The following EYA4 variants were observed in gnomAD, a reference collection of about 807,000 sequenced individuals.
EYA4 encodes EYA transcriptional coactivator and phosphatase 4, also known as protein phosphatase EYA4.
Under a neutral mutation model 87.9 loss-of-function variants are expected in EYA4, and 31 were observed. That is an observed-to-expected ratio of 0.35 (90% CI 0.27 to 0.48). EYA4 has a LOEUF of 0.48. Among genes scored for constraint, EYA4 ranks in the 20% least tolerant of loss-of-function variants. EYA4 has a pLI of 0.99. For synonymous variants in EYA4, 263 were observed against 270.6 expected (o/e 0.97, Z 0.28); for missense variants, 678 against 761.4 (o/e 0.89, Z 1.29).
At chr6:133,397,931 CAT>C (rs1440349514) in intron 3 of EYA4, among the ~76,000 whole-genome samples, 2 of 152,154 alleles carry the variant, frequency 1.3e-5, no homozygotes, top group African/African-American at 4.8e-5. Flanking sequence ...TTTCCCACAA[CAT>C]GTGGGAATTC....
chr6:133,253,266 T>C (rs991255874), intron 1 of EYA4, among the ~76,000 whole-genome samples: 1 of 152,094 alleles, frequency 6.6e-6, no homozygotes, highest in Non-Finnish European at 1.5e-5. Flanking sequence ...GCTTCATTCA[T>C]GGACAGGAAG....
chr6:133,488,428 C>T (rs939445155), intron 13 of EYA4, among the ~76,000 whole-genome samples: 3 of 152,104 alleles, frequency 2.0e-5, no homozygotes, highest in African/African-American at 7.2e-5. Context: ...GCAGTGGTTA[C>T]CACAGGCTTT....
chr6:133,401,451 C>T (rs1583180914), intron 3 of EYA4, among the ~76,000 whole-genome samples: 1 of 151,998 alleles, frequency 6.6e-6, no homozygotes, highest in Non-Finnish European at 1.5e-5. Context: ...GATGGATATC[C>T]CAAATACCCT....
At position 133,531,052 on chromosome 6, in the gene EYA4, T is replaced by A; in HGVS notation, c.*2247T>A. On this transcript the variant is annotated 3_prime_UTR_variant, in exon 20 of 20. Coordinates refer to ENST00000355286, the MANE Select transcript of EYA4 (RefSeq NM_004100.5). ...TAGAATTGTGGCATTACATCTAAATTTGTAAGTCTTTTCATATCAAACAAG... is the reference window on the plus strand; with the variant it reads ...TAGAATTGTGGCATTACATCTAAATATGTAAGTCTTTTCATATCAAACAAG... 7.2e-7 allele frequency: 1 copy of A among 1,395,940 alleles called. No homozygotes were observed. 86.5% of individuals were successfully genotyped at this position (1,395,940 alleles called of 1,614,324 possible).
At chr6:133,327,798 C>T (rs901362699) in intron 2 of EYA4, among the ~76,000 whole-genome samples, 2 of 152,088 alleles carry the variant, frequency 1.3e-5, no homozygotes, top group Non-Finnish European at 2.9e-5. Context: ...AGACTCCTTC[C>T]TATGTTTACG....
chr6:133,489,870 A>G (rs1019682137), intron 13 of EYA4, among the ~76,000 whole-genome samples: 25 of 152,234 alleles, frequency 1.6e-4, no homozygotes, highest in African/African-American at 5.3e-4. Context: ...AGAATAGTGT[A>G]ACACTGTAAT....
Position 133,531,170 on chromosome 6 carries a change from G to T in EYA4, c.*2365G>T, listed in dbSNP as rs1800988337. 1 of 1,534,610 alleles carries T rather than the reference G, an allele frequency of 6.5e-7. No individual in the cohort carries two copies. Among genetic ancestry groups the T allele is most frequent in the African/African-American group, 1.4e-5 (1 of 72,988 alleles). On this transcript the variant is annotated 3_prime_UTR_variant, in exon 20 of 20. Transcript: ENST00000355286. Reference sequence around the variant, plus strand: ...CCGGCTGGTTGCATCACCCCGTGCAGTTTCTCACACACATCTCTTTTTCTG... The same window carrying T: ...CCGGCTGGTTGCATCACCCCGTGCATTTTCTCACACACATCTCTTTTTCTG...
chr6:133,415,750 T>A (rs1789658435), intron 3 of EYA4, among the ~76,000 whole-genome samples: 1 of 152,138 alleles, frequency 6.6e-6, no homozygotes, highest in Non-Finnish European at 1.5e-5. Flanking sequence ...CCTAGTACAT[T>A]GTAGGTGCTC....
intron 1 of EYA4, among the ~76,000 whole-genome samples, chr6:133,272,168 G>T (rs1025527477): frequency 6.6e-6 from 1 of 152,216 alleles, no homozygotes; most frequent in South Asian, 2.1e-4. Flanking sequence ...CCAGAAAGGG[G>T]CTGTAGTGCT....
chr6:133,391,219 T>TG (rs1181832746), intron 3 of EYA4, among the ~76,000 whole-genome samples: 2 of 59,836 alleles, frequency 3.3e-5, no homozygotes, highest in Non-Finnish European at 9.6e-5. Context: ...GGGTTTTGTT[T>TG]TTGTTTTTTT....
Position 133,354,179 on chromosome 6 carries a change from A to G in EYA4, c.34-28213A>G, listed in dbSNP as rs143615515. On this transcript the variant is annotated intron_variant, in intron 2 of 19. Transcript: ENST00000355286. ...TGTTTGTGGTATTAAGAACAAGGTT[A>G]TATATGCTCTAGAAATCCTTATTTA... Among the ~76,000 whole-genome samples, 1,286 of 152,316 alleles carry G rather than the reference A, an allele frequency of 8.4e-3. 11 individuals are homozygous for G. The highest frequency in any genetic ancestry group is 0.014 in the Non-Finnish European group (982 of 68,000).
At chr6:133,253,094 T>C (rs1775053865) in intron 1 of EYA4, among the ~76,000 whole-genome samples, 2 of 152,038 alleles carry the variant, frequency 1.3e-5, no homozygotes, top group Admixed American at 1.3e-4. Flanking sequence ...GACCAAAATA[T>C]TTTTCTGTTT....
chr6:133,444,520 C>G (rs1792609264), intron 3 of EYA4, among the ~76,000 whole-genome samples: 1 of 152,116 alleles, frequency 6.6e-6, no homozygotes, highest in Non-Finnish European at 1.5e-5. Flanking sequence ...ATGAAGGAAG[C>G]AGGGCTGGAT....
At chr6:133,461,509 C>T (rs1794380054) in intron 7 of EYA4, among the ~76,000 whole-genome samples, 1 of 151,976 alleles carries the variant, frequency 6.6e-6, no homozygotes, top group South Asian at 2.1e-4. Context: ...GTTGGATTTC[C>T]AGTTCTAATA....
At chr6:133,507,525 A>G (rs1798752975) in intron 14 of EYA4, among the ~76,000 whole-genome samples, 1 of 151,946 alleles carries the variant, frequency 6.6e-6, no homozygotes, top group African/African-American at 2.4e-5. Flanking sequence ...TCCCTCTCCT[A>G]GCCCTCCACC....
intron 13 of EYA4, among the ~76,000 whole-genome samples, chr6:133,495,668 A>G (rs1455240923): frequency 6.6e-6 from 1 of 152,138 alleles, no homozygotes; most frequent in Non-Finnish European, 1.5e-5. Context: ...AGGAGACACT[A>G]TGCAGTAAGA....
At chr6:133,312,409 C>G (rs949767) in intron 2 of EYA4, among the ~76,000 whole-genome samples, 35,600 of 148,664 alleles carry the variant, frequency 0.24, 5,388 homozygotes, top group Middle Eastern at 0.36. Flanking sequence ...CACACACACA[C>G]AGAGATAAAG....
chr6:133,435,102 C>A (rs550421316), intron 3 of EYA4: 42 of 152,290 alleles, frequency 2.8e-4, no homozygotes, highest in African/African-American at 9.6e-4. Context: ...CATTTATTCA[C>A]ATTTCTTGGG....
intron 3 of EYA4, among the ~76,000 whole-genome samples, chr6:133,404,793 C>T (rs1788559671): frequency 6.6e-6 from 1 of 152,196 alleles, no homozygotes; most frequent in Admixed American, 6.5e-5. Context: ...TGTAGCCCTG[C>T]CTCATCACCC....
Sources: gnomAD v4.1 joint callset for allele counts (sites outside exome capture counted in the v4.1 genomes callset) on GRCh38, gnomAD v4.1.1 for gene constraint, MANE v1.5 for transcripts, NCBI Gene and HGNC (gene_info 2026-07-23, HGNC 2026-07-21) for gene names.